The following DRC8 variants were observed in gnomAD, a reference collection of about 807,000 sequenced individuals.
DRC8 encodes dynein regulatory complex subunit 8, also known as dynein regulatory complex protein 8.
At chr1:245,020,797 T>A in the DRC8 span, among the ~76,000 whole-genome samples, 7 of 150,358 alleles carry the variant, frequency 4.7e-5, no homozygotes, top group East Asian at 1.4e-3. Flanking sequence ...TTTTCGTATT[T>A]TTTTTTTTTT....
the DRC8 span, among the ~76,000 whole-genome samples, chr1:245,112,680 T>C: frequency 6.6e-6 from 1 of 152,178 alleles, no homozygotes; most frequent in Non-Finnish European, 1.5e-5. Flanking sequence ...ACCCTGATCC[T>C]TCTCTAGAAC....
At chr1:244,981,983 C>T in the DRC8 span, among the ~76,000 whole-genome samples, 27 of 152,288 alleles carry the variant, frequency 1.8e-4, no homozygotes, top group East Asian at 3.3e-3. Flanking sequence ...GAGATTTCAT[C>T]GTAAGTTGAT....
the DRC8 span, chr1:245,082,248 T>G: frequency 8.2e-7 from 1 of 1,218,130 alleles, no homozygotes; most frequent in Non-Finnish European, 1.2e-6. Flanking sequence ...TTTTTCACTT[T>G]GTGTGTTATA....
the DRC8 span, among the ~76,000 whole-genome samples, chr1:245,080,740 G>A: frequency 6.6e-6 from 1 of 152,176 alleles, no homozygotes; most frequent in Admixed American, 6.5e-5. Flanking sequence ...TTAGACTACT[G>A]AAGAAGCTGC....
At chr1:245,071,117 G>A in the DRC8 span, among the ~76,000 whole-genome samples, 3 of 152,304 alleles carry the variant, frequency 2.0e-5, no homozygotes, top group African/African-American at 4.8e-5. Context: ...AAGGTACTTC[G>A]TCATAGCAGC....
At chr1:245,107,474 C>T in the DRC8 span, among the ~76,000 whole-genome samples, 4 of 152,222 alleles carry the variant, frequency 2.6e-5, no homozygotes, top group Non-Finnish European at 5.9e-5. Context: ...CAGCAGAGAG[C>T]GTAGAACCTT....
At chr1:245,020,061 C>T in the DRC8 span, among the ~76,000 whole-genome samples, 10 of 146,210 alleles carry the variant, frequency 6.8e-5, no homozygotes, top group African/African-American at 2.4e-4. Flanking sequence ...AGACGCCCCC[C>T]GCCCCCAGGC....
the DRC8 span, among the ~76,000 whole-genome samples, chr1:245,114,383 T>G: frequency 2.0e-5 from 3 of 151,896 alleles, no homozygotes; most frequent in Non-Finnish European, 2.9e-5. Flanking sequence ...AAGAATTGCT[T>G]GAAACCCGGA....
chr1:244,984,707 C>T, the DRC8 span, among the ~76,000 whole-genome samples: 2 of 151,860 alleles, frequency 1.3e-5, no homozygotes, highest in African/African-American at 2.4e-5. Flanking sequence ...TGGTGGCACA[C>T]GCCTGTAGTC....
chr1:245,098,603 T>C, the DRC8 span, among the ~76,000 whole-genome samples: 1 of 152,212 alleles, frequency 6.6e-6, no homozygotes. Context: ...TGGACTCACA[T>C]AGACTAGAAA....
the DRC8 span, among the ~76,000 whole-genome samples, chr1:245,014,062 GAAAA>G: frequency 7.9e-6 from 1 of 127,330 alleles, no homozygotes; most frequent in South Asian, 2.7e-4. Context: ...CAAAAAAAAA[GAAAA>G]AAAGAAAAGA....
At chr1:245,064,829 T>C in the DRC8 span, among the ~76,000 whole-genome samples, 1 of 147,838 alleles carries the variant, frequency 6.8e-6, no homozygotes, top group Non-Finnish European at 1.5e-5. Context: ...TAAACATTAA[T>C]TTTTTTTTTC....
chr1:244,974,822 A>G, the DRC8 span, among the ~76,000 whole-genome samples: 13 of 152,334 alleles, frequency 8.5e-5, no homozygotes, highest in African/African-American at 3.1e-4. Context: ...CAGCCTCCCA[A>G]GTAGCTGGGA....
At chr1:245,055,821 C>T in the DRC8 span, among the ~76,000 whole-genome samples, 2 of 152,284 alleles carry the variant, frequency 1.3e-5, no homozygotes, top group East Asian at 3.9e-4. Flanking sequence ...CTGTGCTTCT[C>T]TTATGTGTTT....
At chr1:245,047,578 A>C in the DRC8 span, among the ~76,000 whole-genome samples, 1 of 149,636 alleles carries the variant, frequency 6.7e-6, no homozygotes, top group Non-Finnish European at 1.5e-5. Flanking sequence ...GAGGTTGTAG[A>C]GAGCTGAGAT....
At chr1:245,013,001 C>T in the DRC8 span, among the ~76,000 whole-genome samples, 1 of 152,224 alleles carries the variant, frequency 6.6e-6, no homozygotes. Flanking sequence ...TAATCTCAAT[C>T]ACATAAAAGA....
At chr1:245,048,898 G>A in the DRC8 span, among the ~76,000 whole-genome samples, 6 of 151,964 alleles carry the variant, frequency 3.9e-5, no homozygotes, top group African/African-American at 1.5e-4. Flanking sequence ...GAACTCCTGG[G>A]CTCAAGTGGT....
chr1:245,019,969 T>TA, the DRC8 span, among the ~76,000 whole-genome samples: 1 of 151,662 alleles, frequency 6.6e-6, no homozygotes, highest in Admixed American at 6.6e-5. Context: ...TGTCTAAAAA[T>TA]AAAAAAGAAA....
the DRC8 span, among the ~76,000 whole-genome samples, chr1:245,067,493 T>C: frequency 2.0e-5 from 3 of 152,222 alleles, no homozygotes; most frequent in African/African-American, 7.2e-5. Context: ...AATAATGTAA[T>C]GACACTAGTG....
Sources: allele counts gnomAD v4.1 joint callset (sites outside exome capture counted in the v4.1 genomes callset), GRCh38; gene constraint gnomAD v4.1.1; transcripts MANE v1.5; gene names NCBI Gene and HGNC (gene_info 2026-07-23, HGNC 2026-07-21).